The following GPC6 variants were observed in gnomAD, a reference collection of about 807,000 sequenced individuals.
GPC6 encodes the protein glypican-6.
Under a neutral mutation model 55.2 loss-of-function variants are expected in GPC6, and 14 were observed. The observed-to-expected ratio is 0.25, with a 90% confidence interval of 0.17 to 0.40. The LOEUF (loss-of-function observed/expected upper bound fraction) is 0.40. Among genes scored for constraint, GPC6 ranks in the 10% least tolerant of loss-of-function variants. The pLI is 1.00. For synonymous variants in GPC6, 278 were observed against 259.6 expected, an observed-to-expected ratio of 1.07 and a Z score of -0.68; for missense variants, 641 against 708.5, an observed-to-expected ratio of 0.90 and a Z score of 1.08.
chr13:94,344,543 G>A (rs1878192094), intron 6 of GPC6, among the ~76,000 whole-genome samples: 1 of 152,238 alleles, frequency 6.6e-6, no homozygotes, highest in African/African-American at 2.4e-5. Flanking sequence ...GCATGCAAAA[G>A]CATCCTGAAG....
intron 1 of GPC6, among the ~76,000 whole-genome samples, chr13:93,277,070 T>A (rs1426844166): frequency 6.6e-6 from 1 of 152,062 alleles, no homozygotes; most frequent in Non-Finnish European, 1.5e-5. Context: ...GGAGGGAAAT[T>A]TTTCCTCAAA....
intron 3 of GPC6, among the ~76,000 whole-genome samples, chr13:93,846,529 C>T (rs1888186639): frequency 6.6e-6 from 1 of 152,140 alleles, no homozygotes; most frequent in African/African-American, 2.4e-5. Flanking sequence ...TTGAAATTTT[C>T]AGGCTGGGCA....
intron 2 of GPC6, among the ~76,000 whole-genome samples, chr13:93,682,729 C>T (rs1463779512): frequency 6.6e-6 from 1 of 151,254 alleles, no homozygotes; most frequent in Admixed American, 6.6e-5. Flanking sequence ...ATGAAATCGT[C>T]TAGGCTGAGC....
intron 2 of GPC6, among the ~76,000 whole-genome samples, chr13:93,637,938 G>T (rs1442599270): frequency 6.6e-6 from 1 of 151,986 alleles, no homozygotes; most frequent in Non-Finnish European, 1.5e-5. Context: ...TGTCCAGATT[G>T]CTCAAGTCAT....
chr13:93,965,106 GTTTTTTT>G (rs5805837), intron 3 of GPC6, among the ~76,000 whole-genome samples: 1 of 67,298 alleles, frequency 1.5e-5, no homozygotes, highest in Non-Finnish European at 2.8e-5. Context: ...CTATGAGTTT[GTTTTTTT>G]TTTTTTTTTT....
intron 1 of GPC6, among the ~76,000 whole-genome samples, chr13:93,294,619 T>C (rs1380601621): frequency 6.6e-6 from 1 of 152,134 alleles, no homozygotes; most frequent in African/African-American, 2.4e-5. Flanking sequence ...GTCTCGAAGT[T>C]GCTTAGAGTC....
intron 5 of GPC6, among the ~76,000 whole-genome samples, chr13:94,301,994 C>T (rs1875675826): frequency 6.6e-6 from 1 of 152,184 alleles, no homozygotes; most frequent in South Asian, 2.1e-4. Flanking sequence ...CTTCATGAGC[C>T]ACAAAACTGT....
At chr13:93,447,906 A>T (rs1224472380) in intron 1 of GPC6, among the ~76,000 whole-genome samples, 2 of 152,232 alleles carry the variant, frequency 1.3e-5, no homozygotes, top group Admixed American at 1.3e-4. Context: ...TAAACCAAAA[A>T]TAGATTTAAT....
Position 94,030,814 on chromosome 13 carries a change from G to A in GPC6, c.877+2920G>A, listed in dbSNP as rs76894616. ...TGTGAACAGTGGTATGCAATCGACC[G>A]TCAATAAAAACAAGAGTCAAACTGG... On this transcript the variant is annotated intron_variant, in intron 4 of 8. Transcript: ENST00000377047. Among the ~76,000 whole-genome samples, 885 of 152,232 alleles carry A rather than the reference G, an allele frequency of 5.8e-3. 14 individuals are homozygous for A. The highest frequency in any genetic ancestry group is 0.02 in the African/African-American group (843 of 41,520).
chr13:93,370,350 C>G (rs1164170330), intron 1 of GPC6, among the ~76,000 whole-genome samples: 1 of 152,086 alleles, frequency 6.6e-6, no homozygotes, highest in Admixed American at 6.6e-5. Flanking sequence ...CTTAAATTTT[C>G]CCTTTTCTTC....
chr13:93,994,701 G>T (rs1437976912), intron 3 of GPC6, among the ~76,000 whole-genome samples: 1 of 152,138 alleles, frequency 6.6e-6, no homozygotes, highest in East Asian at 1.9e-4. Flanking sequence ...GCTTGTCTTT[G>T]AGTTTAAAGA....
intron 3 of GPC6, among the ~76,000 whole-genome samples, chr13:93,992,889 C>T (rs913926970): frequency 1.3e-5 from 2 of 152,164 alleles, no homozygotes; most frequent in Non-Finnish European, 2.9e-5. Context: ...GTGCAAGGAA[C>T]ACAAGTAGTT....
chr13:93,394,907 C>G (rs1875784276), intron 1 of GPC6: 1 of 163,768 alleles, frequency 6.1e-6, no homozygotes, highest in African/African-American at 2.4e-5. Context: ...ACATTGAAAC[C>G]CTTTGTCAGA....
At chr13:94,378,409 T>C (rs7330709) in intron 6 of GPC6, among the ~76,000 whole-genome samples, 40,123 of 152,064 alleles carry the variant, frequency 0.26, 5,681 homozygotes, top group Middle Eastern at 0.36. Context: ...TTTCTGGTCA[T>C]TGGCTTTGCT....
chr13:93,393,121 TATATATAGAGAG>T (rs751758012), intron 1 of GPC6, among the ~76,000 whole-genome samples: 14 of 79,922 alleles, frequency 1.8e-4, no homozygotes, highest in South Asian at 4.7e-4. Flanking sequence ...TATATATATA[TATATATAGAGAG>T]AGAGAGAGAG....
intron 1 of GPC6, among the ~76,000 whole-genome samples, chr13:93,447,081 A>T (rs1878036639): frequency 6.6e-6 from 1 of 152,110 alleles, no homozygotes; most frequent in Non-Finnish European, 1.5e-5. Flanking sequence ...AAATCCATTC[A>T]TTTAGCCAAA....
At chr13:93,285,651 TG>T (rs1878098254) in intron 1 of GPC6, among the ~76,000 whole-genome samples, 1 of 151,734 alleles carries the variant, frequency 6.6e-6, no homozygotes, top group Non-Finnish European at 1.5e-5. Flanking sequence ...TGTGTGTGTG[TG>T]TGTGTGTGTG....
chr13:93,791,164 C>T (rs557664178), intron 2 of GPC6, among the ~76,000 whole-genome samples: 1 of 152,266 alleles, frequency 6.6e-6, no homozygotes, highest in East Asian at 1.9e-4. Context: ...GTGTGCTCTA[C>T]AGTGTCATTG....
intron 4 of GPC6, among the ~76,000 whole-genome samples, chr13:94,169,743 T>C (rs9589922): frequency 0.42 from 64,092 of 151,886 alleles, 14,976 homozygotes; most frequent in African/African-American, 0.63. Context: ...GGTCCTGGTT[T>C]TTGAATCAGA....
Sources: allele counts gnomAD v4.1 joint callset (sites outside exome capture counted in the v4.1 genomes callset), GRCh38; gene constraint gnomAD v4.1.1; transcripts MANE v1.5; gene names NCBI Gene and HGNC (gene_info 2026-07-23, HGNC 2026-07-21).